GRID2: variants seen among roughly 807,000 people sequenced by gnomAD.
The protein encoded by GRID2 is glutamate receptor ionotropic, delta-2.
A neutral mutation model predicts 114.8 loss-of-function variants in GRID2; 33 were observed. That is an observed-to-expected ratio of 0.29 (90% CI 0.22 to 0.38). GRID2 has a LOEUF of 0.38. GRID2 is among the 10% of genes least tolerant of loss of function. The pLI, the probability that GRID2 is intolerant of heterozygous loss-of-function variation, is 1.00. For missense variants in GRID2, 1,184 were observed against 1,257.7 expected, an observed-to-expected ratio of 0.94 and a Z score of 0.89; for synonymous variants, 505 against 449.9, an observed-to-expected ratio of 1.12 and a Z score of -1.55.
intron 2 of GRID2, among the ~76,000 whole-genome samples, chr4:92,926,245 T>C (rs1294061817): frequency 6.6e-6 from 1 of 152,022 alleles, no homozygotes; most frequent in Admixed American, 6.6e-5. Context: ...GAATTTCTTT[T>C]CTTCTTGTTA....
chr4:92,667,253 A>G (rs768349625), intron 2 of GRID2, among the ~76,000 whole-genome samples: 4 of 151,508 alleles, frequency 2.6e-5, no homozygotes, highest in Non-Finnish European at 5.9e-5. Context: ...GGTGCTTCCT[A>G]CTCCACTGTC....
chr4:92,625,247 G>T (rs1579710099), intron 2 of GRID2, among the ~76,000 whole-genome samples: 3 of 151,360 alleles, frequency 2.0e-5, no homozygotes, highest in Middle Eastern at 3.4e-3. Flanking sequence ...CAATTAAATG[G>T]TTAATTTGCA....
intron 2 of GRID2, among the ~76,000 whole-genome samples, chr4:92,902,601 T>G (rs1355721255): frequency 1.3e-5 from 2 of 152,110 alleles, no homozygotes; most frequent in Non-Finnish European, 2.9e-5. Context: ...TCCTAGATTC[T>G]TTTCTAGTAT....
At chr4:92,750,352 C>T (rs1463909614) in intron 2 of GRID2, among the ~76,000 whole-genome samples, 2 of 152,166 alleles carry the variant, frequency 1.3e-5, no homozygotes, top group African/African-American at 2.4e-5. Context: ...CCTCTTTTGC[C>T]TCCTGCCTAT....
chr4:93,617,308 T>C (rs762301216), intron 13 of GRID2, among the ~76,000 whole-genome samples: 2 of 152,240 alleles, frequency 1.3e-5, no homozygotes, highest in Non-Finnish European at 2.9e-5. Context: ...CTTGATGTGG[T>C]ATGCCCAAAC....
chr4:92,717,011 T>C (rs779988114), intron 2 of GRID2, among the ~76,000 whole-genome samples: 2 of 152,262 alleles, frequency 1.3e-5, no homozygotes, highest in Non-Finnish European at 2.9e-5. Flanking sequence ...AGTTCCTAAA[T>C]TCAAAACTCC....
chr4:92,927,654 T>C (rs1011846372), intron 2 of GRID2, among the ~76,000 whole-genome samples: 8 of 151,864 alleles, frequency 5.3e-5, no homozygotes, highest in Non-Finnish European at 8.8e-5. Context: ...TTTTTTGCTA[T>C]ACAGATTTGA....
chr4:92,980,560 T>C (rs1754128648), intron 2 of GRID2, among the ~76,000 whole-genome samples: 1 of 152,066 alleles, frequency 6.6e-6, no homozygotes, highest in African/African-American at 2.4e-5. Context: ...TATTTGTTGT[T>C]ATGTAGTAGA....
intron 1 of GRID2, among the ~76,000 whole-genome samples, chr4:92,575,791 C>G (rs1377370129): frequency 6.6e-6 from 1 of 152,162 alleles, no homozygotes; most frequent in Non-Finnish European, 1.5e-5. Flanking sequence ...TCTGGACCAG[C>G]TGAGATATTT....
intron 13 of GRID2, among the ~76,000 whole-genome samples, chr4:93,518,342 A>G (rs1730009206): frequency 6.6e-6 from 1 of 152,060 alleles, no homozygotes; most frequent in Non-Finnish European, 1.5e-5. Context: ...CTGATTTGCT[A>G]AACTTGGTAG....
chr4:92,970,178 G>C (rs1213822404), intron 2 of GRID2, among the ~76,000 whole-genome samples: 1 of 151,898 alleles, frequency 6.6e-6, no homozygotes, highest in Non-Finnish European at 1.5e-5. Context: ...ATAGAGTGCA[G>C]AGATGTGGTA....
chr4:92,443,355 G>A (rs1733228244), intron 1 of GRID2, among the ~76,000 whole-genome samples: 1 of 152,144 alleles, frequency 6.6e-6, no homozygotes, highest in Admixed American at 6.5e-5. Flanking sequence ...TAGGTTTTAG[G>A]TCAGGTGTGA....
intron 2 of GRID2, among the ~76,000 whole-genome samples, chr4:92,837,617 G>T (rs1368281819): frequency 6.6e-6 from 1 of 151,864 alleles, no homozygotes; most frequent in Non-Finnish European, 1.5e-5. Flanking sequence ...AATGTTTTTG[G>T]TGTTCAGAAA....
intron 8 of GRID2, among the ~76,000 whole-genome samples, chr4:93,297,145 C>G (rs1394964408): frequency 6.6e-6 from 1 of 152,102 alleles, no homozygotes; most frequent in East Asian, 1.9e-4. Flanking sequence ...GTCCTGTAAT[C>G]CATGACAAGG....
At chr4:92,667,889 G>C (rs1340678261) in intron 2 of GRID2, among the ~76,000 whole-genome samples, 1 of 151,776 alleles carries the variant, frequency 6.6e-6, no homozygotes, top group African/African-American at 2.4e-5. Context: ...TTTAGTTCCA[G>C]TTCCTGCACT....
chr4:93,163,665 G>A (rs1416123043), intron 4 of GRID2, among the ~76,000 whole-genome samples: 2 of 151,008 alleles, frequency 1.3e-5, no homozygotes, highest in Non-Finnish European at 2.9e-5. Context: ...TTTATGATGG[G>A]CTGTCATTAA....
chr4:93,247,923 G>C (rs941964068), intron 8 of GRID2, among the ~76,000 whole-genome samples: 1 of 152,044 alleles, frequency 6.6e-6, no homozygotes, highest in Non-Finnish European at 1.5e-5. Context: ...GACCGAGATA[G>C]TCTGTGGTGT....
chr4:93,199,655 G>C (rs1489784056), intron 4 of GRID2, among the ~76,000 whole-genome samples: 2 of 152,320 alleles, frequency 1.3e-5, no homozygotes, highest in East Asian at 3.9e-4. Flanking sequence ...GATAGTGGCT[G>C]CTTGGAAAAG....
At chr4:92,882,574 A>C (rs181489329) in intron 2 of GRID2, among the ~76,000 whole-genome samples, 5 of 152,138 alleles carry the variant, frequency 3.3e-5, no homozygotes, top group Admixed American at 6.5e-5. Context: ...TTAATTAAAA[A>C]TGAGACATTT....
Sources: gnomAD v4.1 joint callset for allele counts (sites outside exome capture counted in the v4.1 genomes callset) on GRCh38, gnomAD v4.1.1 for gene constraint, MANE v1.5 for transcripts, NCBI Gene and HGNC (gene_info 2026-07-23, HGNC 2026-07-21) for gene names.